UNC13B: variants seen among roughly 807,000 people sequenced by gnomAD.
The protein encoded by UNC13B is protein unc-13 homolog B.
A neutral mutation model predicts 211.0 loss-of-function variants in UNC13B; 144 were observed. That is an observed-to-expected ratio of 0.68 (90% CI 0.60 to 0.78). The LOEUF is 0.78. Ranked by LOEUF, UNC13B falls within the 30% of genes least tolerant of loss-of-function variation. The pLI is 0.00. For missense variants in UNC13B, 1,777 were observed against 2,002.0 expected (o/e 0.89, Z 2.14); for synonymous variants, 709 against 725.8 (o/e 0.98, Z 0.37).
At chr9:35,218,624 T>C (rs1003809615) in intron 1 of UNC13B, among the ~76,000 whole-genome samples, 5 of 152,072 alleles carry the variant, frequency 3.3e-5, no homozygotes, top group Non-Finnish European at 7.4e-5. Flanking sequence ...CTCAGGCTCC[T>C]GGCCTGAAGG....
intron 6 of UNC13B, among the ~76,000 whole-genome samples, chr9:35,255,033 ATATATAT>A (rs1345468239): frequency 1.7e-5 from 2 of 117,548 alleles, no homozygotes; most frequent in East Asian, 4.2e-4. Context: ...ATATAATATA[ATATATAT>A]TATATATAAT....
intron 11 of UNC13B, among the ~76,000 whole-genome samples, chr9:35,348,192 A>G (rs1832488913): frequency 6.6e-6 from 1 of 152,240 alleles, no homozygotes; most frequent in Non-Finnish European, 1.5e-5. Flanking sequence ...CAGTAGCAGT[A>G]GCAGGGGAGT....
chr9:35,289,578 T>C (rs1828981843), intron 7 of UNC13B, among the ~76,000 whole-genome samples: 1 of 152,208 alleles, frequency 6.6e-6, no homozygotes, highest in Non-Finnish European at 1.5e-5. Context: ...ACACTTGTGT[T>C]ATTGTTATTC....
At chr9:35,265,261 A>T (rs1043351821) in intron 7 of UNC13B, among the ~76,000 whole-genome samples, 1 of 152,196 alleles carries the variant, frequency 6.6e-6, no homozygotes, top group Non-Finnish European at 1.5e-5. Context: ...AAGTTAAATG[A>T]GGTCATAAGG....
chr9:35,174,750 T>G (rs1045646771), intron 1 of UNC13B, among the ~76,000 whole-genome samples: 1 of 152,132 alleles, frequency 6.6e-6, no homozygotes, highest in Non-Finnish European at 1.5e-5. Context: ...GGGGTTCCAC[T>G]GTGTTAGCCA....
intron 11 of UNC13B, among the ~76,000 whole-genome samples, chr9:35,346,669 C>T (rs1283812637): frequency 6.6e-6 from 1 of 152,084 alleles, no homozygotes; most frequent in African/African-American, 2.4e-5. Flanking sequence ...GAAAAGAGCA[C>T]AGAAAGGTAT....
intron 11 of UNC13B, among the ~76,000 whole-genome samples, chr9:35,328,634 TCC>T (rs1831163462): frequency 9.3e-6 from 1 of 107,264 alleles, no homozygotes. Flanking sequence ...CTTCCTTCCT[TCC>T]TTCCTTCCTT....
At chr9:35,276,099 A>G (rs1193837537) in intron 7 of UNC13B, among the ~76,000 whole-genome samples, 1 of 152,022 alleles carries the variant, frequency 6.6e-6, no homozygotes, top group African/African-American at 2.4e-5. Context: ...TGAGCTCAGG[A>G]GTTCGAGACC....
chr9:35,351,534 G>T, intron 11 of UNC13B: 1 of 1,232,314 alleles, frequency 8.1e-7, no homozygotes, highest in South Asian at 4.1e-5. Context: ...AAAATGAAGC[G>T]ATTGTTGCAA....
intron 3 of UNC13B, among the ~76,000 whole-genome samples, chr9:35,232,177 C>CCTTT (rs1825241825): frequency 3.2e-5 from 1 of 31,536 alleles, no homozygotes; most frequent in Non-Finnish European, 5.9e-5. Context: ...TATATTGCTG[C>CCTTT]TTTTTTTTTT....
chr9:35,352,515 G>C, intron 11 of UNC13B: 1 of 1,232,128 alleles, frequency 8.1e-7, no homozygotes, highest in Non-Finnish European at 1.0e-6. Flanking sequence ...CAGGATTATA[G>C]TCAGACTTCT....
chr9:35,387,272 C>T (rs1835249424), intron 24 of UNC13B, among the ~76,000 whole-genome samples: 1 of 152,164 alleles, frequency 6.6e-6, no homozygotes, highest in Non-Finnish European at 1.5e-5. Flanking sequence ...TTTGGACAAC[C>T]AATGATGGCA....
chr9:35,164,634 A>G (rs543829578), intron 1 of UNC13B, among the ~76,000 whole-genome samples: 1 of 152,180 alleles, frequency 6.6e-6, no homozygotes, highest in Non-Finnish European at 1.5e-5. Flanking sequence ...GTGGCCTTCT[A>G]TTCTTGCCTA....
rs1240074459 is a variant in UNC13B at position 35,305,998 on chromosome 9, T to A, written c.6594T>A (p.Thr2198=). ...GLFTLPSFFS[T]ASSSIKKDAS... Reference sequence around the variant, plus strand: ...TCACACTTCCTTCATTTTTTTCCACTGCTAGCTCAAGCATTAAGAAGGATG... The same window carrying A: ...TCACACTTCCTTCATTTTTTTCCACAGCTAGCTCAAGCATTAAGAAGGATG... Residue 2198 remains threonine (T), a synonymous_variant, in exon 9 of 40, where the codon ACT becomes ACA. Coordinates refer to ENST00000635942, the MANE Select transcript of UNC13B (RefSeq NM_001371189.2). The A allele has an allele frequency of 7.5e-6, 3 of 398,950 alleles. No individual in the cohort carries two copies. In the Admixed American group the frequency reaches 1.3e-4, roughly 18 times the overall value. 24.7% of individuals were successfully genotyped at this position (398,950 alleles called of 1,614,324 possible).
intron 1 of UNC13B, 86 bp downstream of exon 1, chr9:35,162,391 C>T (rs1207270240): frequency 1.4e-6 from 2 of 1,439,244 alleles, no homozygotes; most frequent in Non-Finnish European, 1.8e-6. Context: ...GACCGTCTCA[C>T]CCAAACTTTA....
intron 12 of UNC13B, among the ~76,000 whole-genome samples, chr9:35,368,432 A>G (rs1833911267): frequency 6.6e-6 from 1 of 152,190 alleles, no homozygotes; most frequent in South Asian, 2.1e-4. Flanking sequence ...GTGTATATGT[A>G]TCACATTTTC....
chr9:35,201,127 A>C (rs897520588), intron 1 of UNC13B, among the ~76,000 whole-genome samples: 2 of 152,036 alleles, frequency 1.3e-5, no homozygotes, highest in East Asian at 1.9e-4. Context: ...TGTTTGTATG[A>C]TGGATTACGT....
chr9:35,239,285 A>G (rs1422268747), intron 5 of UNC13B, among the ~76,000 whole-genome samples: 1 of 152,010 alleles, frequency 6.6e-6, no homozygotes, highest in African/African-American at 2.4e-5. Flanking sequence ...AGTACAAAAG[A>G]GGGAAATTTT....
intron 1 of UNC13B, among the ~76,000 whole-genome samples, chr9:35,195,198 C>T (rs1822870605): frequency 2.0e-5 from 3 of 152,166 alleles, no homozygotes; most frequent in Non-Finnish European, 2.9e-5. Context: ...GATTGGCACA[C>T]CTGCCAGCAT....
Sources: allele counts gnomAD v4.1 joint callset (sites outside exome capture counted in the v4.1 genomes callset), GRCh38; gene constraint gnomAD v4.1.1; transcripts MANE v1.5; gene names NCBI Gene and HGNC (gene_info 2026-07-23, HGNC 2026-07-21).